The following VPS13A variants were observed in gnomAD, a reference collection of about 807,000 sequenced individuals.
VPS13A encodes the protein vacuolar protein sorting 13 homolog A.
Under a neutral mutation model 390.9 loss-of-function variants are expected in VPS13A, and 264 were observed. That is an observed-to-expected ratio of 0.68 (90% CI 0.61 to 0.75). The LOEUF (loss-of-function observed/expected upper bound fraction) is 0.75, where lower values mean the gene tolerates loss of function less well. VPS13A is among the 30% of genes least tolerant of loss of function. The pLI is 0.00. For synonymous variants in VPS13A, 1,231 were observed against 1,227.1 expected (o/e 1.00, Z -0.07); for missense variants, 3,409 against 3,733.9 (o/e 0.91, Z 2.27).
intron 71 of VPS13A, among the ~76,000 whole-genome samples, chr9:77,411,350 T>C (rs998690931): frequency 3.9e-5 from 6 of 152,006 alleles, no homozygotes; most frequent in South Asian, 2.1e-4. Flanking sequence ...AAATCTAAAA[T>C]TGACACCCTA....
chr9:77,214,319 C>G lies in VPS13A; in HGVS notation c.697-10C>G, dbSNP rs1472669136. ...ATGAATATAAATAAAAGCAATTTGT[C>G]TTTTAATAGGACGACTTGAAGAATG... On this transcript the variant is annotated splice_polypyrimidine_tract_variant and intron_variant, in intron 9 of 71. Transcript: ENST00000360280. The G allele has an allele frequency of 6.2e-7, 1 of 1,611,492 alleles. No individual in the cohort carries two copies. The highest frequency in any genetic ancestry group is 2.2e-5 in the East Asian group (1 of 44,782).
chr9:77,363,827 G>C (rs1337934584), intron 59 of VPS13A, among the ~76,000 whole-genome samples: 1 of 152,178 alleles, frequency 6.6e-6, no homozygotes, highest in East Asian at 1.9e-4. Context: ...CCTTTGGGAA[G>C]AGATTAATAG....
intron 68 of VPS13A, among the ~76,000 whole-genome samples, chr9:77,387,050 G>A (rs1488425193): frequency 6.6e-6 from 1 of 151,600 alleles, no homozygotes; most frequent in Non-Finnish European, 1.5e-5. Flanking sequence ...TTCTGCCACA[G>A]TGAAATTATC....
intron 45 of VPS13A, among the ~76,000 whole-genome samples, chr9:77,324,098 T>G (rs1564729421): frequency 6.6e-6 from 1 of 152,188 alleles, no homozygotes; most frequent in Non-Finnish European, 1.5e-5. Flanking sequence ...TGTCCTTTAA[T>G]TTTTAAATTC....
intron 45 of VPS13A, among the ~76,000 whole-genome samples, chr9:77,330,673 G>T (rs914412874): frequency 2.6e-5 from 4 of 152,094 alleles, no homozygotes; most frequent in African/African-American, 7.2e-5. Context: ...TGCTCTGGAT[G>T]TTGGTTATTG....
chr9:77,207,348 CGT>C (rs780103820), intron 5 of VPS13A, among the ~76,000 whole-genome samples: 1 of 146,582 alleles, frequency 6.8e-6, no homozygotes, highest in African/African-American at 2.5e-5. Flanking sequence ...AAACTCATCT[CGT>C]GTTTCATTGG....
At chr9:77,378,072 G>T (rs1005454171) in intron 67 of VPS13A, among the ~76,000 whole-genome samples, 2 of 152,164 alleles carry the variant, frequency 1.3e-5, no homozygotes, top group Admixed American at 1.3e-4. Flanking sequence ...ATAGTATTTT[G>T]TTGAGGATTT....
At chr9:77,379,794 C>A (rs1449526190) in intron 67 of VPS13A, among the ~76,000 whole-genome samples, 1 of 152,198 alleles carries the variant, frequency 6.6e-6, no homozygotes, top group African/African-American at 2.4e-5. Context: ...GAATAATGTT[C>A]CGTTGCACTT....
At position 77,230,777 on chromosome 9, in the gene VPS13A, A is replaced by G. The variant is rs997124345; in HGVS notation, c.1595+2513A>G. Among the ~76,000 whole-genome samples the G allele has an allele frequency of 3.3e-5, 5 of 152,128 alleles. No individual in the cohort carries two copies. The South Asian group carries it at 8.3e-4, about 25-fold the overall frequency. The stretch of plus-strand genomic sequence containing the variant: ...AAAAATAAGCTCAGATTTGATAAAG[A>G]TTGTGTTGAATTTTGTGGATCAATT... On this transcript the variant is annotated intron_variant, in intron 17 of 71. Coordinates refer to ENST00000360280, the MANE Select transcript of VPS13A (RefSeq NM_033305.3).
At chr9:77,247,818 G>A (rs1824909793) in intron 20 of VPS13A, among the ~76,000 whole-genome samples, 1 of 151,998 alleles carries the variant, frequency 6.6e-6, no homozygotes, top group Admixed American at 6.6e-5. Context: ...CCGCCACCAC[G>A]CCCACCTAAT....
chr9:77,367,775 T>A (rs1167879791), intron 61 of VPS13A, among the ~76,000 whole-genome samples: 1 of 152,222 alleles, frequency 6.6e-6, no homozygotes, highest in Admixed American at 6.5e-5. Context: ...ATGAATGGGA[T>A]TCACAGGATC....
intron 17 of VPS13A, among the ~76,000 whole-genome samples, chr9:77,232,587 G>C (rs1193021444): frequency 6.6e-6 from 1 of 152,152 alleles, no homozygotes; most frequent in Non-Finnish European, 1.5e-5. Context: ...ATAAAGGAGA[G>C]AGGTTTAATT....
At chr9:77,223,287 C>A (rs1823326928) in intron 13 of VPS13A, among the ~76,000 whole-genome samples, 1 of 152,006 alleles carries the variant, frequency 6.6e-6, no homozygotes, top group Non-Finnish European at 1.5e-5. Context: ...TGAAATTAGG[C>A]CGATTAATAG....
chr9:77,201,583 A>G (rs1408054996), intron 3 of VPS13A, among the ~76,000 whole-genome samples, 176 bp downstream of exon 3: 1 of 152,152 alleles, frequency 6.6e-6, no homozygotes, highest in Non-Finnish European at 1.5e-5. Flanking sequence ...TCCGATACAT[A>G]TATCCCTTGC....
At chr9:77,377,249 G>C (rs1314061940) in intron 67 of VPS13A, among the ~76,000 whole-genome samples, 1 of 107,774 alleles carries the variant, frequency 9.3e-6, no homozygotes, top group African/African-American at 3.7e-5. Context: ...GTCTCGCTCT[G>C]TCGCCCAGGC....
At chr9:77,225,891 T>C (rs1438775296) in intron 13 of VPS13A, 35 bp from the exon 14 acceptor site, 2 of 1,526,110 alleles carry the variant, frequency 1.3e-6, no homozygotes, top group Non-Finnish European at 1.8e-6. Context: ...AAGTTATTTT[T>C]GTAAAGTTAA....
intron 68 of VPS13A, among the ~76,000 whole-genome samples, chr9:77,394,338 A>G (rs1211090485): frequency 2.6e-5 from 4 of 152,052 alleles, no homozygotes; most frequent in Non-Finnish European, 5.9e-5. Flanking sequence ...AAGTGCTGGA[A>G]TTATACACGT....
At chr9:77,276,948 C>T (rs1826715279) in intron 26 of VPS13A, among the ~76,000 whole-genome samples, 1 of 152,136 alleles carries the variant, frequency 6.6e-6, no homozygotes, top group African/African-American at 2.4e-5. Context: ...GCCCTTTTGC[C>T]ATATGAGTTA....
intron 57 of VPS13A, 65 bp downstream of exon 57, chr9:77,358,503 A>T: frequency 7.4e-7 from 1 of 1,355,002 alleles, no homozygotes; most frequent in South Asian, 1.2e-5. Flanking sequence ...ACTTTACTAT[A>T]AAAATATGAA....
Sources: allele counts gnomAD v4.1 joint callset (sites outside exome capture counted in the v4.1 genomes callset), GRCh38; gene constraint gnomAD v4.1.1; transcripts MANE v1.5; gene names NCBI Gene and HGNC (gene_info 2026-07-23, HGNC 2026-07-21).